The following NREP variants were observed in gnomAD, a reference collection of about 807,000 sequenced individuals.
NREP encodes neuronal regeneration related protein.
A neutral mutation model predicts 8.6 loss-of-function variants in NREP; 5 were observed. The observed-to-expected ratio is 0.58, with a 90% CI of 0.30 to 1.22. The LOEUF (loss-of-function observed/expected upper bound fraction) is 1.22. Ranked by LOEUF, NREP falls within the 50% of genes most tolerant of loss-of-function variation. The pLI is 0.07. For synonymous variants in NREP, 27 were observed against 28.0 expected, an observed-to-expected ratio of 0.96 and a Z score of 0.11; for missense variants, 86 against 82.5, an observed-to-expected ratio of 1.04 and a Z score of -0.17.
At chr5:111,827,797 G>A (rs1179359473) in intron 2 of NREP, among the ~76,000 whole-genome samples, 2 of 151,900 alleles carry the variant, frequency 1.3e-5, no homozygotes, top group Non-Finnish European at 2.9e-5. Flanking sequence ...GAGTCGAGAT[G>A]ATGCCACTGC....
intron 2 of NREP, among the ~76,000 whole-genome samples, chr5:111,743,522 T>C (rs900221338): frequency 2.0e-5 from 3 of 152,186 alleles, no homozygotes; most frequent in African/African-American, 7.2e-5. Context: ...GAATATGACA[T>C]CTTGTGATGT....
intron 2 of NREP, among the ~76,000 whole-genome samples, chr5:111,794,132 A>T (rs137942557): frequency 2.6e-5 from 4 of 152,358 alleles, no homozygotes; most frequent in Non-Finnish European, 5.9e-5. Flanking sequence ...ACAACTAAAC[A>T]TCTGTTACAA....
intron 2 of NREP, among the ~76,000 whole-genome samples, chr5:111,746,576 C>G (rs1246691974): frequency 6.6e-6 from 1 of 152,128 alleles, no homozygotes; most frequent in Non-Finnish European, 1.5e-5. Context: ...TATATAATCT[C>G]AATTACCCAG....
intron 2 of NREP, chr5:111,739,133 G>C (rs1229470393): frequency 2.0e-5 from 3 of 152,312 alleles, no homozygotes; most frequent in African/African-American, 7.2e-5. Flanking sequence ...CAACAAAAAA[G>C]AAATATATAG....
At chr5:111,816,535 G>T (rs534119338) in intron 2 of NREP, among the ~76,000 whole-genome samples, 1 of 152,096 alleles carries the variant, frequency 6.6e-6, no homozygotes, top group East Asian at 1.9e-4. Context: ...ACTTATCTTA[G>T]AGTCTAATAA....
At position 111,741,142 on chromosome 5, in the gene NREP, C is replaced by T. The variant is rs541952597; in HGVS notation, c.4-5635G>A. 2.6e-3 allele frequency among the ~76,000 whole-genome samples: 390 copies of T among 152,272 alleles called. 2 individuals are homozygous for T. Among genetic ancestry groups the T allele is most frequent in the Non-Finnish European group, 3.8e-3 (259 of 68,020 alleles). On this transcript the variant is annotated intron_variant, in intron 2 of 3. Transcript: ENST00000257435. ...GAATGCACACACGGGTCCTTTATAA[C>T]TTAACAGGATGGGTATGCGTATCTG...
intron 2 of NREP, among the ~76,000 whole-genome samples, chr5:111,835,427 A>G (rs972211668): frequency 6.6e-6 from 1 of 152,232 alleles, no homozygotes; most frequent in South Asian, 2.1e-4. Flanking sequence ...ACCAACAGAT[A>G]ATTATTATAC....
At chr5:111,945,354 C>T (rs1755947226) in intron 2 of NREP, among the ~76,000 whole-genome samples, 1 of 151,754 alleles carries the variant, frequency 6.6e-6, no homozygotes, top group Non-Finnish European at 1.5e-5. Flanking sequence ...CATATGTATA[C>T]ATGTGCCATG....
intron 2 of NREP, among the ~76,000 whole-genome samples, chr5:111,801,682 T>C (rs10078382): frequency 0.079 from 11,982 of 152,262 alleles, 571 homozygotes; most frequent in African/African-American, 0.13. Flanking sequence ...TTATGTAATT[T>C]CAGTAATTCC....
intron 3 of NREP, chr5:111,732,452 A>G (rs1748677901): frequency 1.3e-5 from 2 of 152,112 alleles, no homozygotes; most frequent in Admixed American, 1.3e-4. Context: ...GTACTTTAAT[A>G]TTCCAATCTT....
intron 2 of NREP, among the ~76,000 whole-genome samples, chr5:111,942,442 G>T (rs1315643615): frequency 6.6e-6 from 1 of 151,906 alleles, no homozygotes; most frequent in African/African-American, 2.4e-5. Context: ...GCTCTTCCTG[G>T]TGTCTTGCCT....
chr5:111,874,975 C>A (rs1026104528), intron 2 of NREP, among the ~76,000 whole-genome samples: 1 of 152,068 alleles, frequency 6.6e-6, no homozygotes, highest in Non-Finnish European at 1.5e-5. Context: ...GCAAATACCA[C>A]AGATTAAGAA....
At chr5:111,970,515 A>T (rs186795724) in intron 2 of NREP, among the ~76,000 whole-genome samples, 1 of 152,172 alleles carries the variant, frequency 6.6e-6, no homozygotes, top group East Asian at 1.9e-4. Context: ...ATTTCCTTGA[A>T]GCACTAGATA....
chr5:111,769,371 T>C (rs1364607923), intron 2 of NREP, among the ~76,000 whole-genome samples: 1 of 152,078 alleles, frequency 6.6e-6, no homozygotes, highest in Non-Finnish European at 1.5e-5. Context: ...AAGAAACAAA[T>C]TAGTATAAGC....
At chr5:111,919,768 T>C (rs943646727) in intron 2 of NREP, among the ~76,000 whole-genome samples, 1 of 151,772 alleles carries the variant, frequency 6.6e-6, no homozygotes, top group Non-Finnish European at 1.5e-5. Flanking sequence ...AAATAACTAA[T>C]GTAGATGACA....
At chr5:111,737,355 G>A (rs1216566563) in intron 2 of NREP, among the ~76,000 whole-genome samples, 1 of 152,040 alleles carries the variant, frequency 6.6e-6, no homozygotes, top group Non-Finnish European at 1.5e-5. Context: ...TCATATAAAT[G>A]GATATAAAGT....
intron 2 of NREP, among the ~76,000 whole-genome samples, chr5:111,838,807 G>A (rs113826928): frequency 6.6e-5 from 10 of 151,944 alleles, no homozygotes; most frequent in East Asian, 1.9e-4. Context: ...ATAATGATAC[G>A]TATATAATCT....
At chr5:111,919,785 T>C (rs559705482) in intron 2 of NREP, among the ~76,000 whole-genome samples, 12 of 151,722 alleles carry the variant, frequency 7.9e-5, no homozygotes, top group Non-Finnish European at 1.6e-4. Context: ...GACAGGTTGA[T>C]GGGTGCAGCA....
chr5:111,786,283 G>T (rs1751606744), intron 2 of NREP, among the ~76,000 whole-genome samples: 1 of 152,110 alleles, frequency 6.6e-6, no homozygotes, highest in African/African-American at 2.4e-5. Flanking sequence ...CTCTAGGATT[G>T]TAACTTTCAT....
Sources: gnomAD v4.1 joint callset for allele counts (sites outside exome capture counted in the v4.1 genomes callset) on GRCh38, gnomAD v4.1.1 for gene constraint, MANE v1.5 for transcripts, NCBI Gene and HGNC (gene_info 2026-07-23, HGNC 2026-07-21) for gene names.